SLC14A2: variants seen among roughly 807,000 people sequenced by gnomAD.
The protein encoded by SLC14A2 is urea transporter 2.
Under a neutral mutation model 104.6 loss-of-function variants are expected in SLC14A2, and 91 were observed. The observed-to-expected ratio is 0.87, with a 90% confidence interval of 0.73 to 1.04. The LOEUF is 1.04. SLC14A2 is among the 50% of genes least tolerant of loss of function. SLC14A2 has a pLI of 0.00. For missense variants in SLC14A2, 1,189 were observed against 1,156.0 expected (o/e 1.03, Z -0.41); for synonymous variants, 476 against 466.4 (o/e 1.02, Z -0.27).
At chr18:45,668,825 G>A (rs1049768518) in intron 15 of SLC14A2, among the ~76,000 whole-genome samples, 23 of 152,062 alleles carry the variant, frequency 1.5e-4, no homozygotes, top group South Asian at 4.1e-4. Flanking sequence ...CCCCTACCCC[G>A]GCTTTTCTAA....
chr18:45,262,018 C>T lies in SLC14A2; in HGVS notation c.-125+48827C>T, dbSNP rs185731021. On this transcript the variant is annotated intron_variant, in intron 1 of 20. Transcript: ENST00000586448. ...ACAATGGTTGAACTAGTTTACAGTC[C>T]CACCAACAGTGTAAAAGCATTCCTA... Among the ~76,000 whole-genome samples the T allele has an allele frequency of 3.6e-3, 552 of 152,218 alleles. 4 individuals are homozygous for T. The highest frequency in any genetic ancestry group is 0.013 in the African/African-American group (522 of 41,530).
At chr18:45,509,286 C>CTA (rs139988630) in intron 2 of SLC14A2, among the ~76,000 whole-genome samples, 26 of 151,646 alleles carry the variant, frequency 1.7e-4, no homozygotes, top group African/African-American at 2.9e-4. Context: ...CATCTCCTCC[C>CTA]TATATATATA....
At chr18:45,216,234 T>C (rs572889247) in intron 1 of SLC14A2, among the ~76,000 whole-genome samples, 8 of 152,206 alleles carry the variant, frequency 5.3e-5, no homozygotes, top group Non-Finnish European at 1.2e-4. Context: ...TGGGCAAATA[T>C]TTAGTGAATT....
At chr18:45,618,555 G>GCTA (rs937011234) in intron 1 of SLC14A2, among the ~76,000 whole-genome samples, 6 of 151,186 alleles carry the variant, frequency 4.0e-5, no homozygotes, top group African/African-American at 1.2e-4. Context: ...TGTAATCCCA[G>GCTA]CTACTCGGGA....
chr18:45,635,230 T>C (rs1823197269), intron 5 of SLC14A2, among the ~76,000 whole-genome samples: 1 of 152,104 alleles, frequency 6.6e-6, no homozygotes, highest in South Asian at 2.1e-4. Context: ...GAAACAGTGA[T>C]ATGATCAAGA....
intron 1 of SLC14A2, among the ~76,000 whole-genome samples, chr18:45,339,674 G>C (rs545683051): frequency 1.3e-5 from 2 of 152,184 alleles, no homozygotes; most frequent in Non-Finnish European, 2.9e-5. Flanking sequence ...ACAATGAAAA[G>C]AGCATCAGCT....
At chr18:45,370,626 G>A (rs1003317049) in intron 1 of SLC14A2, among the ~76,000 whole-genome samples, 1 of 152,128 alleles carries the variant, frequency 6.6e-6, no homozygotes, top group African/African-American at 2.4e-5. Context: ...CAAAATAGCA[G>A]TGCTTAGGAG....
At chr18:45,213,174 A>G (rs1172488594) in exon 1 of SLC14A2, 2 of 152,256 alleles carry the variant, frequency 1.3e-5, no homozygotes, top group Non-Finnish European at 2.9e-5. Context: ...TCATTGTGCC[A>G]ACAGGACCTG....
chr18:45,385,216 C>T (rs58661037), intron 1 of SLC14A2, among the ~76,000 whole-genome samples: 18,805 of 152,194 alleles, frequency 0.12, 1,924 homozygotes, highest in African/African-American at 0.27. Flanking sequence ...TCTTAAAGTA[C>T]ACACCACTTC....
At chr18:45,345,137 A>G (rs565645679) in intron 1 of SLC14A2, among the ~76,000 whole-genome samples, 1 of 152,286 alleles carries the variant, frequency 6.6e-6, no homozygotes, top group South Asian at 2.1e-4. Flanking sequence ...GCTTCATGTC[A>G]GTACCTTTCA....
At chr18:45,472,793 T>C (rs77989628) in intron 1 of SLC14A2, among the ~76,000 whole-genome samples, 31,917 of 152,182 alleles carry the variant, frequency 0.21, 3,765 homozygotes, top group Non-Finnish European at 0.27. Context: ...GTCAGATGGA[T>C]AGAATGCAAA....
intron 1 of SLC14A2, among the ~76,000 whole-genome samples, chr18:45,309,596 GTTCTT>G (rs541248626): frequency 8.5e-5 from 13 of 152,106 alleles, no homozygotes; most frequent in Non-Finnish European, 1.9e-4. Flanking sequence ...CTTGTCCACT[GTTCTT>G]TTCTCTGTAG....
At chr18:45,418,083 T>G (rs891130591) in intron 1 of SLC14A2, among the ~76,000 whole-genome samples, 1 of 152,212 alleles carries the variant, frequency 6.6e-6, no homozygotes, top group African/African-American at 2.4e-5. Context: ...TTGTTGCTTT[T>G]CCTTTGAAAT....
intron 1 of SLC14A2, among the ~76,000 whole-genome samples, chr18:45,288,065 C>A (rs978073394): frequency 6.6e-6 from 1 of 152,170 alleles, no homozygotes; most frequent in Non-Finnish European, 1.5e-5. Context: ...ATGGGAGTAA[C>A]CATCTTAGAT....
At chr18:45,389,602 T>C (rs1163735850) in intron 1 of SLC14A2, among the ~76,000 whole-genome samples, 2 of 152,258 alleles carry the variant, frequency 1.3e-5, no homozygotes, top group Admixed American at 1.3e-4. Flanking sequence ...TTAGGAATTT[T>C]CTACCAAAGG....
At chr18:45,506,036 C>G (rs2043279206) in intron 2 of SLC14A2, among the ~76,000 whole-genome samples, 1 of 152,200 alleles carries the variant, frequency 6.6e-6, no homozygotes, top group South Asian at 2.1e-4. Context: ...TTCCTGCTTA[C>G]TGCAAAGTGT....
At chr18:45,197,050 A>G in the SLC14A2 span, among the ~76,000 whole-genome samples, 1 of 152,192 alleles carries the variant, frequency 6.6e-6, no homozygotes, top group African/African-American at 2.4e-5. Context: ...GGAAAAAGGT[A>G]GCGGCTCTTC....
At chr18:45,403,104 A>C (rs1209990638) in intron 1 of SLC14A2, among the ~76,000 whole-genome samples, 1 of 152,220 alleles carries the variant, frequency 6.6e-6, no homozygotes, top group Non-Finnish European at 1.5e-5. Flanking sequence ...AGGTCCCAAC[A>C]GGGTTAGTTT....
rs539590279 is a variant in SLC14A2, at chr18:45,222,796, C to T, written c.-125+9605C>T. Among the ~76,000 whole-genome samples, 8 of 152,296 alleles carry T rather than the reference C, an allele frequency of 5.3e-5. No individual in the cohort carries two copies. In the East Asian group the frequency reaches 5.8e-4, roughly 11 times the overall value. ...ATACTTCTTATCCACTTGCTTGGAT[C>T]GACTTCCCTAGAAAGTTGGTCCTAC... On this transcript the variant is annotated intron_variant, in intron 1 of 20. Coordinates refer to the SLC14A2 transcript ENST00000586448.
Sources: allele counts gnomAD v4.1 joint callset (sites outside exome capture counted in the v4.1 genomes callset), GRCh38; gene constraint gnomAD v4.1.1; transcripts MANE v1.5; gene names NCBI Gene and HGNC (gene_info 2026-07-23, HGNC 2026-07-21).